The following RRAS variants were observed in gnomAD, a reference collection of about 807,000 sequenced individuals.
RRAS encodes RAS related.
In RRAS, 18 loss-of-function variants were observed where a neutral mutation model predicts 23.3. The observed-to-expected ratio is 0.77, with a 90% CI of 0.53 to 1.15. The LOEUF is 1.15. Ranked by LOEUF, RRAS falls within the 50% of genes most tolerant of loss-of-function variation. The probability of loss-of-function intolerance (pLI) is 0.00; values close to 1 mark genes in which losing one functional copy is unlikely to be tolerated. For missense variants in RRAS, 291 were observed against 317.1 expected, an observed-to-expected ratio of 0.92 and a Z score of 0.62; for synonymous variants, 133 against 138.3, an observed-to-expected ratio of 0.96 and a Z score of 0.27.
chr19:49,635,353 A>C lies in RRAS; in HGVS notation c.*223T>G, dbSNP rs1379997366. Reference sequence around the variant, plus strand: ...GGAGTTATATACAGCAGTGACCCGGAGCCCCTCACCCCCACCAGGCTTAGG... The same window carrying C: ...GGAGTTATATACAGCAGTGACCCGGCGCCCCTCACCCCCACCAGGCTTAGG... On this transcript the variant is annotated 3_prime_UTR_variant, in exon 6 of 6. Coordinates refer to ENST00000246792, the MANE Select transcript of RRAS (RefSeq NM_006270.5). 1 of 377,096 alleles carries C rather than the reference A, an allele frequency of 2.7e-6. No homozygotes were observed. The highest frequency in any genetic ancestry group is 4.7e-6 in the Non-Finnish European group (1 of 212,134). The allele number at this position is 377,096 out of a possible 1,614,324, so 23.4% of individuals were successfully genotyped here.
rs1375592418 is a variant in RRAS, at chr19:49,637,368, G to A, written c.154-238C>T. Among the ~76,000 whole-genome samples, 23 of 144,586 alleles carry A rather than the reference G, an allele frequency of 1.6e-4. No individual in the cohort carries two copies. The East Asian group carries it at 2.7e-3, about 17-fold the overall frequency. 94.9% of individuals were successfully genotyped at this position (144,586 alleles called of 152,430 possible). A position where few individuals can be genotyped will look rare whatever the true frequency, so the allele number is the denominator to read the frequency against. ...GTTGCACAGGCTGGAGTGCAATGGC[G>A]AGATCTCGGCTCACTGCAACCTCCG... On this transcript the variant is annotated intron_variant, in intron 1 of 5. Transcript: ENST00000246792.
rs1349125359 is a variant in RRAS at position 49,639,984 on chromosome 19, C to T, written c.115G>A (p.Gly39Ser). ...ATGGTCAGCGCGCTCTTGCCCACGC[C>T]GCCGCCGCCCACGACCACCAGCTTG... is the stretch of plus-strand genomic sequence containing the variant. ...THKLVVVGGG[G>S]VGKSALTIQF... Residue 39 changes from glycine to serine, a missense_variant, in exon 1 of 6, where the codon GGC becomes AGC. By Grantham distance (56) the Gly-to-Ser change is moderately conservative. Coordinates refer to ENST00000246792, the MANE Select transcript of RRAS (RefSeq NM_006270.5). 1.9e-6 allele frequency: 3 copies of T among 1,587,484 alleles called. No individual in the cohort carries two copies. Among genetic ancestry groups the T allele is most frequent in the Non-Finnish European group, 2.6e-6 (3 of 1,173,390 alleles).
At position 49,637,132 on chromosome 19, in the gene RRAS, T is replaced by C; in HGVS notation, c.154-2A>G. ...GTCGTAGTCAGACACGAAGTAGGAC[T>C]GGCGGGGTGGGGAGAGGATAGTTAC... is the stretch of plus-strand genomic sequence containing the variant. On this transcript the variant is annotated splice_acceptor_variant, in intron 1 of 5. Transcript: ENST00000246792. LOFTEE classifies it high-confidence loss of function. 2 of 1,610,072 alleles carry C rather than the reference T, an allele frequency of 1.2e-6. 1 individual carries two copies. The highest frequency in any genetic ancestry group is 2.2e-5 in the South Asian group (2 of 90,532).
chr19:49,639,539 A>C (rs1167919253), intron 1 of RRAS, among the ~76,000 whole-genome samples: 1 of 151,172 alleles, frequency 6.6e-6, no homozygotes. Context: ...CTTAGAGGGG[A>C]AGTTGGGGAC....
rs758071792 is a variant in RRAS at position 49,636,673 on chromosome 19, G to A, written c.399C>T (p.Asp133=). The A allele has an allele frequency of 2.8e-5, 45 of 1,613,996 alleles. No individual in the cohort carries two copies. Among genetic ancestry groups the A allele is most frequent in the Middle Eastern group, 1.6e-4 (1 of 6,084 alleles). ...TCCCGACCAACACAACGGGGAAGTC[G>A]TCGCGGTCCTTGACCCGCAGAATCT... ...FTQILRVKDR[D]DFPVVLVGNK... The change falls in exon 4 of 6, where the codon GAC becomes GAT. Residue 133 remains aspartate, a synonymous_variant. Transcript: ENST00000246792. The surrounding 1 kb of genome is among the most constrained non-coding windows in gnomAD (Gnocchi z 4.5).
At chr19:49,637,545 G>A (rs1455436831) in intron 1 of RRAS, among the ~76,000 whole-genome samples, 1 of 151,920 alleles carries the variant, frequency 6.6e-6, no homozygotes, top group Non-Finnish European at 1.5e-5. Context: ...CTGACCTCAG[G>A]TGATCCGCCC....
rs1484904489 is a variant in RRAS at position 49,639,936 on chromosome 19, G to T, written c.153+10C>A. 9 of 1,581,642 alleles carry T rather than the reference G, an allele frequency of 5.7e-6. No individual in the cohort carries two copies. Among genetic ancestry groups the T allele is most frequent in the Non-Finnish European group, 7.7e-6 (9 of 1,170,262 alleles). Reference sequence around the variant, plus strand: ...CCCGGGGGACACCCTCCCGGGTGAGGGCCCACTACCTGGATGAACTGGATG... The same window carrying T: ...CCCGGGGGACACCCTCCCGGGTGAGTGCCCACTACCTGGATGAACTGGATG... On this transcript the variant is annotated intron_variant, in intron 1 of 5. Transcript: ENST00000246792.
chr19:49,635,609 C>T lies in RRAS; in HGVS notation c.624G>A (p.Lys208=), dbSNP rs775471738. Residue 208 remains lysine, a synonymous_variant, in exon 6 of 6, where the codon AAG becomes AAA. Transcript: ENST00000246792. ...GGACGCAGGGGCAGCCCCCGCCCTT[C>T]TTCCTGGGGGCACTGGGAGGGCTCG... ...LPPSPPSAPR[K]KGGGCPCVLL is the part of the protein sequence containing the mutation. 4.9e-6 allele frequency: 7 copies of T among 1,436,238 alleles called. No homozygotes were observed. Among genetic ancestry groups the T allele is most frequent in the Non-Finnish European group, 6.5e-6 (7 of 1,085,238 alleles). The allele number at this position is 1,436,238 out of a possible 1,614,324, so 89.0% of individuals were successfully genotyped here.
At position 49,635,860 on chromosome 19, in the gene RRAS, T is replaced by TGGGGGGG; in HGVS notation, c.454-9_454-8insCCCCCCC. On this transcript the variant is annotated splice_polypyrimidine_tract_variant and intron_variant, in intron 4 of 5. Transcript: ENST00000246792. ...GGCTTCTGATCGGGGGACCTGGGGG[T>TGGGGGGG]AGGGGGGACACGGGGGAGTCAGGTC... The TGGGGGGG allele has an allele frequency of 8.3e-7, 1 of 1,209,524 alleles. No homozygotes were observed. The highest frequency in any genetic ancestry group is 1.1e-6 in the Non-Finnish European group (1 of 887,920). 74.9% of individuals were successfully genotyped at this position (1,209,524 alleles called of 1,614,324 possible). A position where few individuals can be genotyped will look rare whatever the true frequency, so the allele number is the denominator to read the frequency against.
At chr19:49,637,628 C>T (rs879671043) in intron 1 of RRAS, among the ~76,000 whole-genome samples, 4 of 149,116 alleles carry the variant, frequency 2.7e-5, no homozygotes, top group Non-Finnish European at 4.5e-5. Context: ...TCTCTCTCTC[C>T]AGATGTCTGT....
chr19:49,639,968 G>C lies in RRAS; in HGVS notation c.131C>G (p.Ala44Gly). Residue 44 changes from alanine to glycine, a missense_variant, in exon 1 of 6, where the codon GCG (alanine) becomes GGG (glycine). Coordinates refer to ENST00000246792, the MANE Select transcript of RRAS (RefSeq NM_006270.5). ...TACCTGGATGAACTGGATGGTCAGC[G>C]CGCTCTTGCCCACGCCGCCGCCGCC... ...VVGGGGVGKS[A>G]LTIQFIQSYF... is the part of the protein sequence containing the mutation. 1 of 1,591,380 alleles carries C rather than the reference G, an allele frequency of 6.3e-7. No individual in the cohort carries two copies.
In RRAS at chr19:49,636,825, T is replaced by C; in HGVS notation, c.343A>G (p.Ser115Gly). The change falls in exon 3 of 6, where the codon AGT (serine) becomes GGT (glycine). Residue 115 changes from serine to glycine, a missense_variant and splice_region_variant. Ser to Gly is a moderately conservative substitution (Grantham distance 56, BLOSUM62 0). Coordinates refer to ENST00000246792, the MANE Select transcript of RRAS (RefSeq NM_006270.5). This position sits in a 1 kb window ranked among gnomAD's most constrained non-coding sequence, Gnocchi z 4.5. ...TCCGCCACCAGCAACCCCTGTCACC[T>C]CTGCCGGTCGTTAATGGCGAACACC... ...LLVFAINDRQ[S>G]FNEVGKLFTQ... The C allele has an allele frequency of 1.2e-6, 2 of 1,613,040 alleles. No homozygotes were observed. The highest frequency in any genetic ancestry group is 2.2e-5 in the South Asian group (2 of 91,084).
chr19:49,639,976 GC>G lies in RRAS; in HGVS notation c.122del (p.Gly41AlafsTer5). On this transcript the variant is annotated frameshift_variant, in exon 1 of 6. Transcript: ENST00000246792. LOFTEE classifies it high-confidence loss of function. Reference sequence around the variant, plus strand: ...TGAACTGGATGGTCAGCGCGCTCTTGCCCACGCCGCCGCCGCCCACGACCAC... The same window carrying G: ...TGAACTGGATGGTCAGCGCGCTCTTGCCACGCCGCCGCCGCCCACGACCAC... The part of the protein sequence containing the change: ...KLVVVGGGGV[G>X]KSALTIQFIQ... The G allele has an allele frequency of 6.3e-7, 1 of 1,589,866 alleles. No homozygotes were observed.
chr19:49,635,853 C>CG lies in RRAS; in HGVS notation c.454-2_454-1insC. On this transcript the variant is annotated splice_acceptor_variant, in intron 4 of 5. Transcript: ENST00000246792. LOFTEE classifies it high-confidence loss of function. Reference sequence around the variant, plus strand: ...AGGCAGAGGCTTCTGATCGGGGGACCTGGGGGTAGGGGGGACACGGGGGAG... The same window carrying CG: ...AGGCAGAGGCTTCTGATCGGGGGACCGTGGGGGTAGGGGGGACACGGGGGAG... The CG allele has an allele frequency of 1.3e-5, 7 of 558,698 alleles. No individual in the cohort carries two copies. The highest frequency in any genetic ancestry group is 4.0e-4 in the Middle Eastern group (1 of 2,526). The allele number at this position is 558,698 out of a possible 1,614,324, so 34.6% of individuals were successfully genotyped here. A position where few individuals can be genotyped will look rare whatever the true frequency, so the allele number is the denominator to read the frequency against.
Position 49,635,850 on chromosome 19 carries a change from G to C in RRAS, c.456C>G (p.Val152=). Residue 152 remains valine (V), a splice_region_variant and synonymous_variant, in exon 5 of 6, where the codon GTC becomes GTG. Coordinates refer to ENST00000246792, the MANE Select transcript of RRAS (RefSeq NM_006270.5). Reference sequence around the variant, plus strand: ...CGAAGGCAGAGGCTTCTGATCGGGGGACCTGGGGGTAGGGGGGACACGGGG... The same window carrying C: ...CGAAGGCAGAGGCTTCTGATCGGGGCACCTGGGGGTAGGGGGGACACGGGG... ...NKADLESQRQ[V]PRSEASAFGA... The C allele has an allele frequency of 8.2e-7, 1 of 1,221,950 alleles. No homozygotes were observed. Among genetic ancestry groups the C allele is most frequent in the Non-Finnish European group, 1.2e-6 (1 of 862,662 alleles). The allele number at this position is 1,221,950 out of a possible 1,614,324, so 75.7% of individuals were successfully genotyped here. A position where few individuals can be genotyped will look rare whatever the true frequency, so the allele number is the denominator to read the frequency against.
chr19:49,637,613 CCTT>C (rs890871222), intron 1 of RRAS, among the ~76,000 whole-genome samples: 1 of 151,342 alleles, frequency 6.6e-6, no homozygotes, highest in African/African-American at 2.4e-5. Flanking sequence ...CCTGCCCTGT[CCTT>C]CTCTCTCTCT....
chr19:49,636,453 C>T lies in RRAS; in HGVS notation c.453+166G>A, dbSNP rs908554899. ...TGCTAGGCCCTCTGCTCGGTGATGCCGGGGACCCTGAAGGTCCAGTTTGGG... is the reference window on the plus strand; with the variant it reads ...TGCTAGGCCCTCTGCTCGGTGATGCTGGGGACCCTGAAGGTCCAGTTTGGG... On this transcript the variant is annotated intron_variant, in intron 4 of 5. Coordinates refer to ENST00000246792, the MANE Select transcript of RRAS (RefSeq NM_006270.5). The surrounding 1 kb of genome is among the most constrained non-coding windows in gnomAD (Gnocchi z 4.5). Among the ~76,000 whole-genome samples the T allele has an allele frequency of 1.3e-5, 2 of 152,066 alleles. No individual in the cohort carries two copies. Among genetic ancestry groups the T allele is most frequent in the African/African-American group, 2.4e-5 (1 of 41,366 alleles).
intron 1 of RRAS, 22 bp downstream of exon 1, chr19:49,639,924 C>G (rs774795923): frequency 2.2e-5 from 35 of 1,568,998 alleles, no homozygotes; most frequent in Non-Finnish European, 2.9e-5. Context: ...GGGGGACACC[C>G]TCCCGGGTGA....
chr19:49,637,585 A>G (rs1486632429), intron 1 of RRAS, among the ~76,000 whole-genome samples: 2 of 151,242 alleles, frequency 1.3e-5, no homozygotes, highest in African/African-American at 4.9e-5. Flanking sequence ...CTGGGATTAC[A>G]GATGTGAGCC....
Sources: gnomAD v4.1 joint callset for allele counts (sites outside exome capture counted in the v4.1 genomes callset) on GRCh38, gnomAD v4.1.1 for gene constraint, Gnocchi (gnomAD v3.1) non-coding constraint, MANE v1.5 for transcripts, NCBI Gene and HGNC (gene_info 2026-07-23, HGNC 2026-07-21) for gene names.